The following CSMD1 variants were observed in gnomAD, a reference collection of about 807,000 sequenced individuals.
CSMD1 encodes the protein CUB and sushi domain-containing protein 1.
Under a neutral mutation model 417.5 loss-of-function variants are expected in CSMD1, and 213 were observed. That is an observed-to-expected ratio of 0.51 (90% CI 0.46 to 0.57). The LOEUF (loss-of-function observed/expected upper bound fraction) is 0.57, where lower values mean the gene tolerates loss of function less well. Ranked by LOEUF, CSMD1 falls within the 20% of genes least tolerant of loss-of-function variation. CSMD1 has a pLI of 0.00. For synonymous variants in CSMD1, 2,862 were observed against 1,736.8 expected, an observed-to-expected ratio of 1.65 and a Z score of -16.11; for missense variants, 6,923 against 4,529.7, an observed-to-expected ratio of 1.53 and a Z score of -15.17.
At chr8:3,869,261 C>G (rs1423877182) in intron 5 of CSMD1, among the ~76,000 whole-genome samples, 1 of 152,168 alleles carries the variant, frequency 6.6e-6, no homozygotes, top group Admixed American at 6.6e-5. Context: ...ACTCAAGGGT[C>G]TCTTTCTCAA....
chr8:4,761,890 CCTACCTAT>C (rs796066488), intron 1 of CSMD1, among the ~76,000 whole-genome samples: 1,359 of 93,494 alleles, frequency 0.015, 17 homozygotes, highest in Middle Eastern at 0.024. Flanking sequence ...TATCTATCTA[CCTACCTAT>C]CTATCTATCT....
intron 5 of CSMD1, among the ~76,000 whole-genome samples, chr8:3,806,176 T>G (rs944310841): frequency 4.1e-4 from 62 of 152,272 alleles, no homozygotes; most frequent in African/African-American, 1.3e-3. Context: ...ATAAGATACC[T>G]TGGGTCGTCC....
intron 21 of CSMD1, among the ~76,000 whole-genome samples, chr8:3,358,617 G>C (rs1808953632): frequency 6.6e-6 from 1 of 152,098 alleles, no homozygotes; most frequent in Non-Finnish European, 1.5e-5. Context: ...ATTATCTCTT[G>C]GATTCCTCCA....
chr8:3,385,117 T>TAATAC (rs1563333695), intron 18 of CSMD1, among the ~76,000 whole-genome samples: 3 of 89,470 alleles, frequency 3.4e-5, no homozygotes, highest in East Asian at 2.5e-4. Context: ...TAAAAATATA[T>TAATAC]ATAATATATA....
At chr8:3,611,251 A>C (rs199756109) in intron 8 of CSMD1, among the ~76,000 whole-genome samples, 1 of 18,244 alleles carries the variant, frequency 5.5e-5, no homozygotes, top group African/African-American at 1.2e-4. Context: ...AAGTTAAATT[A>C]AAAAAAAAAA....
chr8:4,207,866 A>G (rs751722146), intron 3 of CSMD1, among the ~76,000 whole-genome samples: 14 of 152,130 alleles, frequency 9.2e-5, no homozygotes, highest in Non-Finnish European at 1.5e-4. Flanking sequence ...TTGGTTCCAT[A>G]TAGGTGGAGA....
rs183246073 is a variant in CSMD1 at position 4,167,099 on chromosome 8, A to T, written c.416-135000T>A. Among the ~76,000 whole-genome samples the T allele has an allele frequency of 1.7e-3, 255 of 152,022 alleles. 1 individual carries two copies. Among genetic ancestry groups the T allele is most frequent in the Non-Finnish European group, 1.8e-3 (122 of 67,990 alleles). On this transcript the variant is annotated intron_variant, in intron 3 of 69. Coordinates refer to ENST00000635120, the MANE Select transcript of CSMD1 (RefSeq NM_033225.6). ...TAGAATATCTGTAGATAAATGTAAA[A>T]CCCTCAACTTCCCATATAAACCCAA...
At chr8:4,081,724 A>C (rs554067915) in intron 3 of CSMD1, among the ~76,000 whole-genome samples, 20 of 152,318 alleles carry the variant, frequency 1.3e-4, no homozygotes, top group Admixed American at 1.0e-3. Flanking sequence ...TCTCTGACCA[A>C]ATTAGGAAAA....
intron 10 of CSMD1, among the ~76,000 whole-genome samples, chr8:3,536,549 C>T (rs948179384): frequency 6.6e-6 from 1 of 152,170 alleles, no homozygotes; most frequent in African/African-American, 2.4e-5. Context: ...AAGGATGAGC[C>T]TGGTTCCTGG....
intron 6 of CSMD1, among the ~76,000 whole-genome samples, chr8:3,734,607 A>C (rs749846874): frequency 3.3e-5 from 5 of 152,200 alleles, no homozygotes; most frequent in Non-Finnish European, 5.9e-5. Context: ...ACTACTCGGG[A>C]GTCTGAGGCA....
At chr8:4,053,029 A>G (rs1798512632) in intron 3 of CSMD1, among the ~76,000 whole-genome samples, 1 of 152,118 alleles carries the variant, frequency 6.6e-6, no homozygotes, top group South Asian at 2.1e-4. Flanking sequence ...AAGGGTAACA[A>G]TTGGTACCTC....
chr8:4,780,585 A>T (rs956469430), intron 1 of CSMD1, among the ~76,000 whole-genome samples: 1 of 150,480 alleles, frequency 6.6e-6, no homozygotes, highest in Non-Finnish European at 1.5e-5. Flanking sequence ...ATTTTTTTCC[A>T]TAAGTTATTG....
chr8:4,880,833 G>C (rs1305159549), intron 1 of CSMD1, among the ~76,000 whole-genome samples: 2 of 151,972 alleles, frequency 1.3e-5, no homozygotes, highest in African/African-American at 4.8e-5. Flanking sequence ...TGTCATTCTT[G>C]TCATGAAAGG....
chr8:3,683,727 G>A (rs1799789718), intron 7 of CSMD1, among the ~76,000 whole-genome samples: 1 of 152,024 alleles, frequency 6.6e-6, no homozygotes, highest in South Asian at 2.1e-4. Context: ...ACAACTAGTA[G>A]GTTCAACTCA....
At chr8:3,559,230 T>C (rs1799361356) in intron 10 of CSMD1, among the ~76,000 whole-genome samples, 1 of 152,172 alleles carries the variant, frequency 6.6e-6, no homozygotes, top group African/African-American at 2.4e-5. Flanking sequence ...TGCAACAACA[T>C]TACCATAATT....
At chr8:3,114,781 A>C (rs1419900963) in intron 42 of CSMD1, among the ~76,000 whole-genome samples, 2 of 152,150 alleles carry the variant, frequency 1.3e-5, no homozygotes, top group African/African-American at 4.8e-5. Flanking sequence ...GTAAACCTTA[A>C]ATTTAAAAAA....
chr8:3,820,585 G>C (rs544525447), intron 5 of CSMD1, among the ~76,000 whole-genome samples: 3 of 152,186 alleles, frequency 2.0e-5, no homozygotes, highest in African/African-American at 4.8e-5. Flanking sequence ...GTTGTTGTTT[G>C]TTTGTTTTGA....
chr8:4,348,050 A>C (rs1800875115), intron 3 of CSMD1, among the ~76,000 whole-genome samples: 1 of 152,136 alleles, frequency 6.6e-6, no homozygotes, highest in Non-Finnish European at 1.5e-5. Context: ...GTTACAACAT[A>C]CTCCAAAATA....
intron 10 of CSMD1, among the ~76,000 whole-genome samples, chr8:3,566,710 A>T (rs1184379529): frequency 6.6e-6 from 1 of 152,226 alleles, no homozygotes; most frequent in South Asian, 2.1e-4. Flanking sequence ...GAGACATGGA[A>T]ATCAAAACCA....
Sources: allele counts gnomAD v4.1 joint callset (sites outside exome capture counted in the v4.1 genomes callset), GRCh38; gene constraint gnomAD v4.1.1; transcripts MANE v1.5; gene names NCBI Gene and HGNC (gene_info 2026-07-23, HGNC 2026-07-21).